Variants in GDA observed in about 807,000 individuals in gnomAD.
The protein encoded by GDA is cytoplasmic PSD-95 interactor.
GDA carries 18 observed loss-of-function variants against 59.6 expected under a neutral mutation model. The observed-to-expected ratio is 0.30, with a 90% CI of 0.21 to 0.45. GDA has a LOEUF of 0.45. GDA is among the 20% of genes least tolerant of loss of function. The pLI is 1.00. For missense variants in GDA, 427 were observed against 552.3 expected (o/e 0.77, Z 2.27); for synonymous variants, 201 against 201.1 (o/e 1.00, Z 0.00).
intron 1 of GDA, among the ~76,000 whole-genome samples, chr9:72,116,585 G>A (rs1032543156): frequency 2.6e-5 from 4 of 151,812 alleles, no homozygotes; most frequent in African/African-American, 9.7e-5. Context: ...GTTTCACTAC[G>A]TTGGTTGGCC....
intron 1 of GDA, among the ~76,000 whole-genome samples, chr9:72,125,332 C>CTCCT (rs1311260687): frequency 6.7e-6 from 1 of 150,204 alleles, no homozygotes; most frequent in Non-Finnish European, 1.5e-5. Context: ...CCCTCCCTCC[C>CTCCT]TCCCTCCCTT....
intron 4 of GDA, among the ~76,000 whole-genome samples, chr9:72,213,024 A>T (rs1162946502): frequency 6.6e-6 from 1 of 152,178 alleles, no homozygotes; most frequent in Non-Finnish European, 1.5e-5. Flanking sequence ...CAATCCCAGC[A>T]CTTTGGGAGG....
Position 72,249,329 on chromosome 9 carries a change from C to G in GDA, c.*987C>G. 1 of 980,616 alleles carries G rather than the reference C, an allele frequency of 1.0e-6. No individual in the cohort carries two copies. The highest frequency in any genetic ancestry group is 1.2e-6 in the Non-Finnish European group (1 of 825,588). 60.7% of individuals were successfully genotyped at this position (980,616 alleles called of 1,614,324 possible). On this transcript the variant is annotated 3_prime_UTR_variant, in exon 14 of 14. Transcript: ENST00000358399. ...AATATGTTGTAGTTTCTGGAAATTC[C>G]ATACTCAGATATCAGTCTGCTAGAA...
chr9:72,124,211 G>A (rs1475335397), intron 1 of GDA, among the ~76,000 whole-genome samples: 6 of 152,162 alleles, frequency 3.9e-5, no homozygotes, highest in African/African-American at 1.2e-4. Context: ...ATCAGCCATG[G>A]CACCTTCCTT....
intron 4 of GDA, among the ~76,000 whole-genome samples, chr9:72,212,294 A>G (rs1348546531): frequency 6.6e-6 from 1 of 152,076 alleles, no homozygotes; most frequent in African/African-American, 2.4e-5. Flanking sequence ...CATCCTGGCT[A>G]ACATGGTGAA....
intron 1 of GDA, among the ~76,000 whole-genome samples, chr9:72,191,216 G>A (rs1832499562): frequency 6.6e-6 from 1 of 152,144 alleles, no homozygotes; most frequent in African/African-American, 2.4e-5. Context: ...GCCTTGGTAG[G>A]GGCACATTTG....
chr9:72,131,635 C>T (rs917343702), intron 1 of GDA, among the ~76,000 whole-genome samples: 9 of 134,182 alleles, frequency 6.7e-5, no homozygotes, highest in African/African-American at 2.0e-4. Flanking sequence ...GCTAGAAACA[C>T]ACCACGTGCA....
At chr9:72,202,827 C>T in intron 3 of GDA, 85 bp downstream of exon 3, 2 of 1,095,030 alleles carry the variant, frequency 1.8e-6, no homozygotes, top group Non-Finnish European at 1.3e-6. Flanking sequence ...AATTATAAAG[C>T]ATAAGCAGTT....
chr9:72,229,394 G>A (rs1838054841), intron 9 of GDA, among the ~76,000 whole-genome samples: 1 of 151,790 alleles, frequency 6.6e-6, no homozygotes, highest in Non-Finnish European at 1.5e-5. Context: ...AAACCTTCAG[G>A]GAAGTAAAAC....
intron 1 of GDA, among the ~76,000 whole-genome samples, chr9:72,186,582 C>G (rs899322328): frequency 1.3e-5 from 2 of 152,136 alleles, no homozygotes; most frequent in African/African-American, 4.8e-5. Flanking sequence ...CTGGAATAAT[C>G]CTGAGCATAC....
chr9:72,258,090 C>G (rs1226506430), downstream of GDA, among the ~76,000 whole-genome samples: 2 of 151,996 alleles, frequency 1.3e-5, no homozygotes, highest in Admixed American at 1.3e-4. Flanking sequence ...GTGGGAAAAT[C>G]ACTTGAGGCC....
upstream of GDA, chr9:72,149,309 A>G: frequency 3.8e-6 from 2 of 521,884 alleles, no homozygotes; most frequent in Non-Finnish European, 3.4e-6. Flanking sequence ...AAGGGTGGAG[A>G]GAAAGACCAC....
chr9:72,218,766 A>T lies in GDA; in HGVS notation c.579-713A>T, dbSNP rs75149632. On this transcript the variant is annotated intron_variant, in intron 5 of 13. Transcript: ENST00000358399. ...GTAGCTTCCACTTTAGGAGAATTCG[A>T]AGTAAAGAGCTTCATGGCTTCTAAA... 2.9e-3 allele frequency among the ~76,000 whole-genome samples: 445 copies of T among 152,344 alleles called. 3 individuals are homozygous for T. Among genetic ancestry groups the T allele is most frequent in the South Asian group, 6.6e-3 (32 of 4,834 alleles).
At chr9:72,137,464 T>C (rs983482579) in intron 1 of GDA, among the ~76,000 whole-genome samples, 14 of 151,962 alleles carry the variant, frequency 9.2e-5, no homozygotes, top group Non-Finnish European at 1.2e-4. Flanking sequence ...GCCAGGATGG[T>C]CTCGATCTCC....
chr9:72,161,063 ATT>A (rs35376951), intron 1 of GDA, among the ~76,000 whole-genome samples: 22 of 141,560 alleles, frequency 1.6e-4, no homozygotes, highest in Admixed American at 2.8e-4. Flanking sequence ...TTTGCCACTA[ATT>A]TTTTTTTTTT....
At chr9:72,229,561 T>C (rs949283395) in intron 9 of GDA, among the ~76,000 whole-genome samples, 1 of 152,080 alleles carries the variant, frequency 6.6e-6, no homozygotes. Flanking sequence ...GAGCTGGCTG[T>C]GACAGTAATA....
intron 1 of GDA, among the ~76,000 whole-genome samples, chr9:72,159,110 A>T (rs1000774580): frequency 1.1e-4 from 16 of 152,184 alleles, no homozygotes; most frequent in African/African-American, 3.9e-4. Flanking sequence ...TTGTTTTAGC[A>T]CAAAGTAGGT....
In GDA at chr9:72,174,831, T is replaced by C. The variant is rs149251148; in HGVS notation, c.124-20669T>C. ...ACAGAGACAGAGTGGGGATGGGGAA[T>C]TGGAAAAGCTTCCTAAGGAAGGGAC... On this transcript the variant is annotated intron_variant, in intron 1 of 13. Transcript: ENST00000358399. 6.4e-3 allele frequency among the ~76,000 whole-genome samples: 973 copies of C among 150,906 alleles called. 8 individuals carry two copies. The highest frequency in any genetic ancestry group is 0.023 in the African/African-American group (926 of 41,002).
At chr9:72,182,004 A>G (rs886931474) in intron 1 of GDA, among the ~76,000 whole-genome samples, 1 of 152,150 alleles carries the variant, frequency 6.6e-6, no homozygotes, top group Non-Finnish European at 1.5e-5. Flanking sequence ...CTCTCTACAT[A>G]TATAGGTAGA....
Sources: allele counts gnomAD v4.1 joint callset (sites outside exome capture counted in the v4.1 genomes callset), GRCh38; gene constraint gnomAD v4.1.1; transcripts MANE v1.5; gene names NCBI Gene and HGNC (gene_info 2026-07-23, HGNC 2026-07-21).